The following TENM2 variants were observed in gnomAD, a reference collection of about 807,000 sequenced individuals.
TENM2 encodes the protein teneurin transmembrane protein 2.
TENM2 carries 52 observed loss-of-function variants against 245.2 expected under a neutral mutation model. That is an observed-to-expected ratio of 0.21 (90% confidence interval 0.17 to 0.27). TENM2 has a LOEUF of 0.27. Among genes scored for constraint, TENM2 ranks in the 10% least tolerant of loss-of-function variants. TENM2 has a pLI of 1.00. For missense variants in TENM2, 3,046 were observed against 3,666.8 expected (o/e 0.83, Z 4.37); for synonymous variants, 1,363 against 1,438.9 (o/e 0.95, Z 1.19).
At chr5:167,157,961 A>G in the TENM2 span, among the ~76,000 whole-genome samples, 1 of 152,182 alleles carries the variant, frequency 6.6e-6, no homozygotes, top group African/African-American at 2.4e-5. Flanking sequence ...ACCTGACAGC[A>G]TTTCTACTCT....
chr5:167,863,001 T>C (rs1771963877), intron 2 of TENM2, among the ~76,000 whole-genome samples: 1 of 152,242 alleles, frequency 6.6e-6, no homozygotes, highest in Non-Finnish European at 1.5e-5. Context: ...ATCTCCAACA[T>C]TGCAATGACT....
At chr5:167,682,190 T>G in intron 2 of TENM2, among the ~76,000 whole-genome samples, 1 of 150,012 alleles carries the variant, frequency 6.7e-6, no homozygotes. Context: ...TTTTTCTTTC[T>G]TTTGCTCTGT....
At chr5:167,170,342 A>C in the TENM2 span, among the ~76,000 whole-genome samples, 1 of 152,232 alleles carries the variant, frequency 6.6e-6, no homozygotes, top group South Asian at 2.1e-4. Flanking sequence ...ACAGCAAAGC[A>C]AACTTCTGCA....
At chr5:167,215,135 A>G in the TENM2 span, among the ~76,000 whole-genome samples, 2 of 152,338 alleles carry the variant, frequency 1.3e-5, no homozygotes, top group African/African-American at 4.8e-5. Context: ...TGCAGTTCAT[A>G]TAGTGCTTCT....
chr5:167,570,409 A>G (rs1458479039), intron 2 of TENM2, among the ~76,000 whole-genome samples: 1 of 152,206 alleles, frequency 6.6e-6, no homozygotes, highest in Admixed American at 6.5e-5. Context: ...AAAACCTCTT[A>G]AAACGGCTGT....
intron 2 of TENM2, among the ~76,000 whole-genome samples, chr5:167,861,165 A>G (rs1226163276): frequency 6.6e-6 from 1 of 151,130 alleles, no homozygotes; most frequent in Non-Finnish European, 1.5e-5. Flanking sequence ...ATCTCTCTTT[A>G]TTTACTCCTT....
intron 2 of TENM2, among the ~76,000 whole-genome samples, chr5:167,864,704 C>A (rs564788296): frequency 6.6e-6 from 1 of 152,320 alleles, no homozygotes; most frequent in Non-Finnish European, 1.5e-5. Flanking sequence ...GGTTCCAACT[C>A]TTCTTCCCAA....
At chr5:167,406,773 C>T (rs1213956174) in intron 2 of TENM2, among the ~76,000 whole-genome samples, 5 of 152,028 alleles carry the variant, frequency 3.3e-5, no homozygotes, top group Admixed American at 2.0e-4. Context: ...CCTATTGCTT[C>T]CCTGGGGAAG....
the TENM2 span, among the ~76,000 whole-genome samples, chr5:167,126,771 T>G: frequency 6.6e-6 from 1 of 152,264 alleles, no homozygotes. Flanking sequence ...CCCCAAAGAT[T>G]ACCATTTTAA....
chr5:167,687,439 A>T (rs1410038145), intron 2 of TENM2, among the ~76,000 whole-genome samples: 1 of 152,188 alleles, frequency 6.6e-6, no homozygotes, highest in Non-Finnish European at 1.5e-5. Flanking sequence ...GCATTGGGAG[A>T]GGGAACACAT....
chr5:167,802,976 A>G (rs562174712), intron 2 of TENM2, among the ~76,000 whole-genome samples: 8 of 152,242 alleles, frequency 5.3e-5, no homozygotes, highest in Admixed American at 5.2e-4. Flanking sequence ...TCAAATGAGT[A>G]TTTGCAAAGA....
At position 168,247,599 on chromosome 5, in the gene TENM2, G is replaced by A. The variant is rs560891647; in HGVS notation, c.6660G>A (p.Pro2220=). Residue 2220 remains proline, a synonymous_variant, in exon 27 of 29, where the codon CCG becomes CCA. Transcript: ENST00000518659. The surrounding 1 kb of genome is among the most constrained non-coding windows in gnomAD (Gnocchi z 7.8). The stretch of plus-strand genomic sequence containing the variant: ...AGAGCGTGGCCGTCAATGACCGCCC[G>A]ACCTGGCGCTACAGCTATGACCTTA... The A allele has an allele frequency of 2.7e-5, 43 of 1,613,110 alleles. No homozygotes were observed. The highest frequency in any genetic ancestry group is 5.3e-5 in the African/African-American group (4 of 75,020).
intron 2 of TENM2, among the ~76,000 whole-genome samples, chr5:167,391,668 C>T (rs1035958422): frequency 7.1e-6 from 1 of 140,912 alleles, no homozygotes; most frequent in Non-Finnish European, 1.5e-5. Context: ...GGATTTCTAA[C>T]TTTAGCCACT....
rs1160983475 is a variant in TENM2, at chr5:168,260,275, C to T, written c.7433-8C>T. On this transcript the variant is annotated splice_region_variant and splice_polypyrimidine_tract_variant and intron_variant, in intron 27 of 28. Coordinates refer to ENST00000518659, the Ensembl canonical transcript of TENM2. Reference sequence around the variant, plus strand: ...TTCAGAAACCTTTATTTTTGTTTTCCACCATAGATGTGAAAAGCTGGCTTG... The same window carrying T: ...TTCAGAAACCTTTATTTTTGTTTTCTACCATAGATGTGAAAAGCTGGCTTG... The T allele has an allele frequency of 4.3e-6, 7 of 1,613,330 alleles. No homozygotes were observed. Among genetic ancestry groups the T allele is most frequent in the Non-Finnish European group, 5.9e-6 (7 of 1,179,734 alleles).
chr5:168,258,370 A>G (rs1330374199), intron 27 of TENM2, among the ~76,000 whole-genome samples: 1 of 152,066 alleles, frequency 6.6e-6, no homozygotes, highest in African/African-American at 2.4e-5. Context: ...GTGTGGTGGC[A>G]TGCACCTGTA....
At position 167,664,174 on chromosome 5, in the gene TENM2, A is replaced by C. The variant is rs117059591; in HGVS notation, c.503-211812A>C. On this transcript the variant is annotated intron_variant, in intron 2 of 28. Transcript: ENST00000518659. ...ACCTCTGCCAGGCTCTGTAAAGTAC[A>C]ACTGAGTCAAGACCACTTTGATTTC... Among the ~76,000 whole-genome samples the C allele has an allele frequency of 3.3e-4, 51 of 152,288 alleles. No homozygotes were observed. In the East Asian group the frequency reaches 8.3e-3, roughly 25 times the overall value.
chr5:167,121,964 G>A, the TENM2 span, among the ~76,000 whole-genome samples: 1 of 152,142 alleles, frequency 6.6e-6, no homozygotes, highest in East Asian at 1.9e-4. Flanking sequence ...AAAAGATTGC[G>A]AAGCTCATTT....
the TENM2 span, among the ~76,000 whole-genome samples, chr5:166,996,114 C>A: frequency 6.6e-5 from 10 of 151,972 alleles, no homozygotes; most frequent in African/African-American, 2.2e-4. Context: ...GAGGCCGAGG[C>A]GGACAGATCA....
the TENM2 span, among the ~76,000 whole-genome samples, chr5:167,267,259 G>T: frequency 0.11 from 17,042 of 152,046 alleles, 1,122 homozygotes; most frequent in East Asian, 0.18. Flanking sequence ...AATCTCTTTT[G>T]AGAACCAATA....
Sources: allele counts gnomAD v4.1 joint callset (sites outside exome capture counted in the v4.1 genomes callset), GRCh38; gene constraint gnomAD v4.1.1; non-coding constraint Gnocchi (gnomAD v3.1); transcripts MANE v1.5; gene names NCBI Gene and HGNC (gene_info 2026-07-23, HGNC 2026-07-21).